The following CCDC73 variants were observed in gnomAD, a reference collection of about 807,000 sequenced individuals.
The protein encoded by CCDC73 is coiled-coil domain containing 73.
CCDC73 carries 95 observed loss-of-function variants against 116.5 expected under a neutral mutation model. The observed-to-expected ratio is 0.82, with a 90% CI of 0.69 to 0.97. The LOEUF is 0.97. CCDC73 is among the 50% of genes least tolerant of loss of function. The probability of loss-of-function intolerance (pLI) is 0.00; values close to 1 mark genes in which losing one functional copy is unlikely to be tolerated. For missense variants in CCDC73, 1,066 were observed against 1,206.8 expected (o/e 0.88, Z 1.73); for synonymous variants, 398 against 401.3 (o/e 0.99, Z 0.10).
intron 9 of CCDC73, among the ~76,000 whole-genome samples, chr11:32,655,668 A>T (rs1315230392): frequency 6.6e-6 from 1 of 152,220 alleles, no homozygotes; most frequent in Non-Finnish European, 1.5e-5. Context: ...ATTGAGAAGG[A>T]CTTGTACGTT....
intron 9 of CCDC73, among the ~76,000 whole-genome samples, chr11:32,670,439 G>A (rs556375293): frequency 2.0e-5 from 3 of 151,848 alleles, no homozygotes; most frequent in Non-Finnish European, 2.9e-5. Context: ...GGAGAATGGC[G>A]TGAACCTGGG....
intron 14 of CCDC73, among the ~76,000 whole-genome samples, chr11:32,627,446 T>A (rs1168269443): frequency 6.6e-6 from 1 of 152,144 alleles, no homozygotes; most frequent in East Asian, 1.9e-4. Flanking sequence ...GAAATACCAT[T>A]TGACCCAGCC....
the CCDC73 span, among the ~76,000 whole-genome samples, chr11:32,799,700 T>C: frequency 6.6e-6 from 1 of 152,214 alleles, no homozygotes; most frequent in Non-Finnish European, 1.5e-5. Context: ...TATCCTACAC[T>C]ATTAGACCTA....
the CCDC73 span, among the ~76,000 whole-genome samples, chr11:32,829,197 A>G: frequency 6.6e-6 from 1 of 152,258 alleles, no homozygotes; most frequent in East Asian, 1.9e-4. Context: ...TATAAAATGT[A>G]CATACTGATA....
At chr11:32,737,289 T>G (rs1261377938) in intron 2 of CCDC73, among the ~76,000 whole-genome samples, 1 of 146,696 alleles carries the variant, frequency 6.8e-6, no homozygotes, top group African/African-American at 2.5e-5. Context: ...ACATGGTCCA[T>G]AGGATATTTT....
intron 3 of CCDC73, among the ~76,000 whole-genome samples, chr11:32,715,343 C>T (rs1306612680): frequency 6.6e-6 from 1 of 152,062 alleles, no homozygotes; most frequent in Non-Finnish European, 1.5e-5. Flanking sequence ...TTAAAGTGAT[C>T]TACAAGTTCT....
chr11:32,814,856 T>C, the CCDC73 span, among the ~76,000 whole-genome samples: 174 of 152,306 alleles, frequency 1.1e-3, no homozygotes, highest in African/African-American at 4.0e-3. Context: ...TATAAAGGAA[T>C]GAAGTACCGA....
chr11:32,740,860 T>C (rs1053574935), intron 2 of CCDC73, among the ~76,000 whole-genome samples: 1 of 152,252 alleles, frequency 6.6e-6, no homozygotes, highest in South Asian at 2.1e-4. Context: ...CCATAGGTTT[T>C]GGTATGTTGT....
intron 1 of CCDC73, among the ~76,000 whole-genome samples, chr11:32,781,456 C>T (rs990080358): frequency 3.9e-5 from 6 of 152,120 alleles, no homozygotes; most frequent in Non-Finnish European, 8.8e-5. Flanking sequence ...CCTCTTTCTC[C>T]CCTCCCCTGC....
chr11:32,774,379 C>T (rs959943302), intron 1 of CCDC73, among the ~76,000 whole-genome samples: 2 of 152,092 alleles, frequency 1.3e-5, no homozygotes, highest in Non-Finnish European at 2.9e-5. Flanking sequence ...ATTGTCTATT[C>T]TCTCTTGTCT....
At chr11:32,745,492 C>A (rs530948019) in intron 2 of CCDC73, among the ~76,000 whole-genome samples, 15 of 152,010 alleles carry the variant, frequency 9.9e-5, no homozygotes, top group African/African-American at 3.6e-4. Flanking sequence ...CTAATATTGA[C>A]ATTGGGGTGT....
At chr11:32,660,026 G>A (rs1036318875) in intron 9 of CCDC73, among the ~76,000 whole-genome samples, 4 of 152,090 alleles carry the variant, frequency 2.6e-5, no homozygotes, top group Admixed American at 1.3e-4. Flanking sequence ...GCTTGGAGAC[G>A]GAATGAGGTG....
intron 1 of CCDC73, among the ~76,000 whole-genome samples, chr11:32,761,815 T>C (rs1474229130): frequency 2.0e-5 from 3 of 151,972 alleles, no homozygotes; most frequent in African/African-American, 7.3e-5. Flanking sequence ...GCTTACACAA[T>C]TGTGGCGGCT....
At chr11:32,755,548 T>TATATATATATGTAC (rs1554968842) in intron 2 of CCDC73, among the ~76,000 whole-genome samples, 1 of 92,140 alleles carries the variant, frequency 1.1e-5, no homozygotes, top group African/African-American at 3.3e-5. Flanking sequence ...TATATATATA[T>TATATATATATGTAC]ATATATATAT....
intron 2 of CCDC73, among the ~76,000 whole-genome samples, chr11:32,739,379 T>TGTTTTATA (rs1554967719): frequency 6.6e-6 from 1 of 152,116 alleles, no homozygotes; most frequent in Non-Finnish European, 1.5e-5. Context: ...CTTTCACCAA[T>TGTTTTATA]GTTTTATAGT....
intron 3 of CCDC73, among the ~76,000 whole-genome samples, chr11:32,714,588 T>C (rs1849928139): frequency 6.6e-6 from 1 of 152,164 alleles, no homozygotes; most frequent in Non-Finnish European, 1.5e-5. Flanking sequence ...GAATAGATCC[T>C]TGAATTCATG....
chr11:32,685,494 T>C (rs1049874854), intron 6 of CCDC73, among the ~76,000 whole-genome samples: 3 of 152,030 alleles, frequency 2.0e-5, no homozygotes, highest in Non-Finnish European at 4.4e-5. Flanking sequence ...AGTTCCCTAA[T>C]GTGGAATAAG....
At chr11:32,738,039 T>C (rs965981467) in intron 2 of CCDC73, among the ~76,000 whole-genome samples, 4 of 152,230 alleles carry the variant, frequency 2.6e-5, no homozygotes, top group African/African-American at 4.8e-5. Flanking sequence ...TTCTTCTTTA[T>C]GGCTGAGTTA....
the CCDC73 span, among the ~76,000 whole-genome samples, chr11:32,801,309 A>G: frequency 6.6e-6 from 1 of 152,224 alleles, no homozygotes; most frequent in Non-Finnish European, 1.5e-5. Flanking sequence ...AGCTGGAGAC[A>G]GAGCCATCTT....
Sources: allele counts gnomAD v4.1 joint callset (sites outside exome capture counted in the v4.1 genomes callset), GRCh38; gene constraint gnomAD v4.1.1; transcripts MANE v1.5; gene names NCBI Gene and HGNC (gene_info 2026-07-23, HGNC 2026-07-21).